PPP1R3B: variants seen among roughly 807,000 people sequenced by gnomAD.
PPP1R3B encodes PP1 subunit R4.
A neutral mutation model predicts 14.6 loss-of-function variants in PPP1R3B; 8 were observed. The observed-to-expected ratio is 0.55, with a 90% CI of 0.32 to 0.99. PPP1R3B has a LOEUF of 0.99. PPP1R3B is among the 50% of genes least tolerant of loss of function. The probability of loss-of-function intolerance (pLI) is 0.04; values close to 1 mark genes in which losing one functional copy is unlikely to be tolerated. For synonymous variants in PPP1R3B, 169 were observed against 142.0 expected (o/e 1.19, Z -1.35); for missense variants, 452 against 360.1 (o/e 1.26, Z -2.07).
chr8:9,145,097 T>C (rs1029751057), intron 1 of PPP1R3B, among the ~76,000 whole-genome samples: 1 of 151,750 alleles, frequency 6.6e-6, no homozygotes, highest in African/African-American at 2.4e-5. Context: ...TAAAAAAGAT[T>C]CAAATGAAAT....
chr8:9,141,286 T>C lies in PPP1R3B; in HGVS notation c.366A>G (p.Leu122=), dbSNP rs545029397. 25 of 1,614,162 alleles carry C rather than the reference T, an allele frequency of 1.5e-5. No individual in the cohort carries two copies. In the African/African-American group the frequency reaches 2.3e-4, roughly 15 times the overall value. The change falls in exon 2 of 2, where the codon TTA becomes TTG. Residue 122 remains leucine, a synonymous_variant. Coordinates refer to ENST00000310455, the MANE Select transcript of PPP1R3B (RefSeq NM_024607.4). Reference sequence around the variant, plus strand: ...CGGCCTGAAGTCGATTTCTAAAGTCTAAGTAATCTGCAGAGGGCTGGGAAA... The same window carrying C: ...CGGCCTGAAGTCGATTTCTAAAGTCCAAGTAATCTGCAGAGGGCTGGGAAA... ...LDFSQPSADY[L]DFRNRLQADH...
chr8:9,136,767 C>G lies in PPP1R3B; in HGVS notation c.*4027G>C, dbSNP rs763479499. 6.6e-6 allele frequency: 1 copy of G among 152,146 alleles called. No homozygotes were observed. Among genetic ancestry groups the G allele is most frequent in the Non-Finnish European group, 1.5e-5 (1 of 68,020 alleles). The allele number at this position is 152,146 out of a possible 1,614,324, so 9.4% of individuals were successfully genotyped here. A position where few individuals can be genotyped will look rare whatever the true frequency, so the allele number is the denominator to read the frequency against. On this transcript the variant is annotated 3_prime_UTR_variant, in exon 2 of 2. Transcript: ENST00000310455. ...ATTTCAGTGAACATGTCAGGAGAGACGTGATCGGGACTCTCCCAGGACTAC... is the reference window on the plus strand; with the variant it reads ...ATTTCAGTGAACATGTCAGGAGAGAGGTGATCGGGACTCTCCCAGGACTAC...
Position 9,140,784 on chromosome 8 carries a change from C to T in PPP1R3B, c.*10G>A. The T allele has an allele frequency of 1.2e-6, 2 of 1,612,680 alleles. No homozygotes were observed. Among genetic ancestry groups the T allele is most frequent in the Non-Finnish European group, 1.7e-6 (2 of 1,179,076 alleles). ...GTGGCAGCTCCGCCACGCCCTGTCACCTGCAGTCACTAGTAGTAGGGCCCT... is the reference window on the plus strand; with the variant it reads ...GTGGCAGCTCCGCCACGCCCTGTCATCTGCAGTCACTAGTAGTAGGGCCCT... On this transcript the variant is annotated 3_prime_UTR_variant, in exon 2 of 2. Coordinates refer to ENST00000310455, the MANE Select transcript of PPP1R3B (RefSeq NM_024607.4).
In PPP1R3B at chr8:9,139,248, AAC is replaced by A. The variant is rs1400597796; in HGVS notation, c.*1544_*1545del. On this transcript the variant is annotated 3_prime_UTR_variant, in exon 2 of 2. Transcript: ENST00000310455. ...GGTCTCTTTTACAACAGCACTAACC[AAC>A]AGACTTTAGTCCAATATGGTTAAGA... 6.6e-6 allele frequency: 1 copy of A among 152,190 alleles called. No individual in the cohort carries two copies. Among genetic ancestry groups the A allele is most frequent in the African/African-American group, 2.4e-5 (1 of 41,444 alleles). The allele number at this position is 152,190 out of a possible 1,614,324, so 9.4% of individuals were successfully genotyped here. A position where few individuals can be genotyped will look rare whatever the true frequency, so the allele number is the denominator to read the frequency against.
chr8:9,145,229 G>A (rs1801204719), intron 1 of PPP1R3B: 1 of 151,968 alleles, frequency 6.6e-6, no homozygotes, highest in South Asian at 2.1e-4. Flanking sequence ...TCACTTCAAC[G>A]ACATGAGTTT....
intron 1 of PPP1R3B, among the ~76,000 whole-genome samples, chr8:9,143,431 G>A (rs330925): frequency 0.28 from 42,819 of 152,118 alleles, 7,458 homozygotes; most frequent in East Asian, 0.7. Flanking sequence ...AGGCCTGGGC[G>A]GTGGCTCACG....
chr8:9,141,594 CTT>C lies in PPP1R3B; in HGVS notation c.56_57del (p.Gln19ArgfsTer6), dbSNP rs751491813. On this transcript the variant is annotated frameshift_variant, in exon 2 of 2. Coordinates refer to ENST00000310455, the MANE Select transcript of PPP1R3B (RefSeq NM_024607.4). LOFTEE classifies it high-confidence loss of function. ...RYNCMAPSLR[Q>X]ERFAFKISPK... ...GGTGAGATCTTAAAGGCAAACCTCTCTTGGCGCAAGGAAGGAGCCATGCAGTT... is the reference window on the plus strand; with the variant it reads ...GGTGAGATCTTAAAGGCAAACCTCTCGGCGCAAGGAAGGAGCCATGCAGTT... The C allele has an allele frequency of 1.9e-6, 3 of 1,614,078 alleles. No individual in the cohort carries two copies. In the South Asian group the frequency reaches 3.3e-5, roughly 18 times the overall value.
intron 1 of PPP1R3B, among the ~76,000 whole-genome samples, chr8:9,143,985 CAAT>C (rs1400726092): frequency 5.3e-5 from 8 of 151,570 alleles, no homozygotes; most frequent in East Asian, 1.9e-4. Flanking sequence ...TCTTACAAAG[CAAT>C]AATAAAGTCA....
chr8:9,149,469 A>G (rs543515982), intron 1 of PPP1R3B, among the ~76,000 whole-genome samples: 7 of 152,326 alleles, frequency 4.6e-5, no homozygotes, highest in East Asian at 1.9e-4. Flanking sequence ...GCGCCACTGC[A>G]CTCCAGCCTG....
At chr8:9,142,915 G>T (rs1029640919) in intron 1 of PPP1R3B, among the ~76,000 whole-genome samples, 1 of 152,144 alleles carries the variant, frequency 6.6e-6, no homozygotes, top group Admixed American at 6.5e-5. Flanking sequence ...TCCAATGATG[G>T]GCACTTAGGT....
chr8:9,141,139 G>T lies in PPP1R3B; in HGVS notation c.513C>A (p.Ser171Arg). 1 of 1,614,160 alleles carries T rather than the reference G, an allele frequency of 6.2e-7. No homozygotes were observed. The highest frequency in any genetic ancestry group is 8.5e-7 in the Non-Finnish European group (1 of 1,180,026). Residue 171 changes from serine (S) to arginine (R), a missense_variant, in exon 2 of 2, where the codon AGC becomes AGA. Coordinates refer to ENST00000310455, the MANE Select transcript of PPP1R3B (RefSeq NM_024607.4). Reference protein sequence around the residue: ...KIRMTFDTWKSYTDFPCQYVK... With the variant: ...KIRMTFDTWKRYTDFPCQYVK... Reference sequence around the variant, plus strand: ...CGTACTGACAAGGAAAGTCTGTGTAGCTCTTCCAGGTGTCGAACGTCATCC... The same window carrying T: ...CGTACTGACAAGGAAAGTCTGTGTATCTCTTCCAGGTGTCGAACGTCATCC...
intron 1 of PPP1R3B, among the ~76,000 whole-genome samples, chr8:9,145,833 C>T (rs1378873011): frequency 1.3e-5 from 2 of 152,054 alleles, no homozygotes; most frequent in Admixed American, 1.3e-4. Context: ...TTATGATATG[C>T]CAAAAACCCA....
intron 1 of PPP1R3B, among the ~76,000 whole-genome samples, chr8:9,149,295 T>C (rs1362527669): frequency 6.7e-6 from 1 of 148,300 alleles, no homozygotes; most frequent in East Asian, 2.0e-4. Flanking sequence ...GGTCAGGAGA[T>C]CGACACCATC....
Position 9,140,762 on chromosome 8 carries a change from G to A in PPP1R3B, c.*32C>T, listed in dbSNP as rs1801048156. ...GTGAGCAGAGCTAGGCTTGTCTGTG[G>A]CAGCTCCGCCACGCCCTGTCACCTG... On this transcript the variant is annotated 3_prime_UTR_variant, in exon 2 of 2. Transcript: ENST00000310455. 5 of 1,605,250 alleles carry A rather than the reference G, an allele frequency of 3.1e-6. No homozygotes were observed. The highest frequency in any genetic ancestry group is 3.3e-5 in the Admixed American group (2 of 59,712).
In PPP1R3B at chr8:9,139,834, C is replaced by A. The variant is rs149993245; in HGVS notation, c.*960G>T. On this transcript the variant is annotated 3_prime_UTR_variant, in exon 2 of 2. Transcript: ENST00000310455. The stretch of plus-strand genomic sequence containing the variant: ...AAAGTGCTGGGATTACAGGCATAAG[C>A]CACCGCGCCCGGCCCCAAAATTCTT... 5,922 of 152,370 alleles carry A rather than the reference C, an allele frequency of 0.039. 183 individuals are homozygous for A. The highest frequency in any genetic ancestry group is 0.058 in the Non-Finnish European group (3,915 of 68,084). 9.4% of individuals were successfully genotyped at this position (152,370 alleles called of 1,614,324 possible). A position where few individuals can be genotyped will look rare whatever the true frequency, so the allele number is the denominator to read the frequency against.
chr8:9,143,929 T>A (rs1254727075), intron 1 of PPP1R3B, among the ~76,000 whole-genome samples: 1 of 152,152 alleles, frequency 6.6e-6, no homozygotes, highest in African/African-American at 2.4e-5. Context: ...GAAAATATTT[T>A]ACAATAAGCA....
intron 1 of PPP1R3B, among the ~76,000 whole-genome samples, chr8:9,147,865 G>C (rs746005740): frequency 8.5e-5 from 13 of 152,110 alleles, no homozygotes; most frequent in Non-Finnish European, 1.3e-4. Context: ...GTAAGGTTAT[G>C]ATGGCTCAAG....
chr8:9,141,212 C>T lies in PPP1R3B; in HGVS notation c.440G>A (p.Gly147Asp). The change falls in exon 2 of 2, where the codon GGC becomes GAC. Residue 147 changes from glycine to aspartate, a missense_variant. Gly to Asp is a moderately conservative substitution (Grantham distance 94). Coordinates refer to ENST00000310455, the MANE Select transcript of PPP1R3B (RefSeq NM_024607.4). The part of the protein sequence containing the change: ...NCVLKDKAIA[G>D]TVKVQNLAFE... ...TGCGAGGTTCTGAACCTTCACAGTG[C>T]CTGCAATGGCCTTGTCCTTGAGCAC... is the stretch of plus-strand genomic sequence containing the variant. The T allele has an allele frequency of 6.2e-7, 1 of 1,614,150 alleles. No individual in the cohort carries two copies. Among genetic ancestry groups the T allele is most frequent in the South Asian group, 1.1e-5 (1 of 91,076 alleles).
rs1243983979 is a variant in PPP1R3B, at chr8:9,141,346, C to G, written c.306G>C (p.Leu102Phe). ...ITELLDNIVS[L>F]TTAESESFVL... ...CAAAGCTCTCGCTCTCTGCTGTCGT[C>G]AAGCTCACAATGTTGTCTAGGAGCT... Residue 102 changes from leucine (L) to phenylalanine (F), a missense_variant, in exon 2 of 2, where the codon TTG (leucine) becomes TTC (phenylalanine). Physicochemically the swap from Leu to Phe is conservative, Grantham distance 22. Transcript: ENST00000310455. 1 of 1,614,236 alleles carries G rather than the reference C, an allele frequency of 6.2e-7. No individual in the cohort carries two copies. Among genetic ancestry groups the G allele is most frequent in the South Asian group, 1.1e-5 (1 of 91,086 alleles).
Sources: allele counts gnomAD v4.1 joint callset (sites outside exome capture counted in the v4.1 genomes callset), GRCh38; gene constraint gnomAD v4.1.1; transcripts MANE v1.5; gene names NCBI Gene and HGNC (gene_info 2026-07-23, HGNC 2026-07-21).